Variants in ROCK1 observed in about 807,000 individuals in gnomAD.
ROCK1 encodes Rho associated coiled-coil containing protein kinase 1, also known as rho-associated protein kinase 1.
A neutral mutation model predicts 196.8 loss-of-function variants in ROCK1; 36 were observed. The observed-to-expected ratio is 0.18, with a 90% confidence interval of 0.14 to 0.24. The LOEUF (loss-of-function observed/expected upper bound fraction) is 0.24. ROCK1 is among the 10% of genes least tolerant of loss of function. The pLI is 1.00. For synonymous variants in ROCK1, 443 were observed against 515.9 expected (o/e 0.86, Z 1.91); for missense variants, 920 against 1,562.0 (o/e 0.59, Z 6.93).
intron 22 of ROCK1, among the ~76,000 whole-genome samples, chr18:20,975,378 T>C (rs1216825815): frequency 6.6e-6 from 1 of 152,182 alleles, no homozygotes; most frequent in African/African-American, 2.4e-5. Flanking sequence ...GGAGAGTGAC[T>C]AATTGGTTTG....
intron 16 of ROCK1, among the ~76,000 whole-genome samples, chr18:21,002,373 A>G (rs2035732276): frequency 6.6e-6 from 1 of 152,220 alleles, no homozygotes; most frequent in Non-Finnish European, 1.5e-5. Context: ...GAGCATCATT[A>G]AGAATAATGC....
intron 1 of ROCK1, among the ~76,000 whole-genome samples, chr18:21,100,244 A>G (rs1337187444): frequency 6.6e-6 from 1 of 152,086 alleles, no homozygotes; most frequent in Non-Finnish European, 1.5e-5. Flanking sequence ...ATAAAATATC[A>G]TAGCTCTATT....
chr18:21,061,533 T>C (rs1484019509), intron 2 of ROCK1, among the ~76,000 whole-genome samples: 1 of 152,184 alleles, frequency 6.6e-6, no homozygotes, highest in African/African-American at 2.4e-5. Context: ...CTGTTCCGAA[T>C]GGTATTGGGG....
At position 21,111,148 on chromosome 18, in the gene ROCK1, G is replaced by A. The variant is rs1598567386; in HGVS notation, c.-238C>T. On this transcript the variant is annotated 5_prime_UTR_variant, in exon 1 of 33. Transcript: ENST00000399799. This position sits in a 1 kb window ranked among gnomAD's most constrained non-coding sequence, Gnocchi z 4.2. ...GACGCCCAAAGTCGCATCCCACCCG[G>A]CAGCCCCTCACGACAGCCGACAGCG... 1 of 568,446 alleles carries A rather than the reference G, an allele frequency of 1.8e-6. No homozygotes were observed. The highest frequency in any genetic ancestry group is 1.9e-5 in the African/African-American group (1 of 52,578). 35.2% of individuals were successfully genotyped at this position (568,446 alleles called of 1,614,324 possible).
At chr18:21,029,020 T>C in intron 9 of ROCK1, 85 bp from the exon 10 acceptor site, 2 of 1,328,706 alleles carry the variant, frequency 1.5e-6, no homozygotes, top group Non-Finnish European at 2.1e-6. Flanking sequence ...TACTGATGGT[T>C]TCTCTCTTAT....
At chr18:21,053,436 T>C (rs1302012487) in intron 2 of ROCK1, among the ~76,000 whole-genome samples, 1 of 152,216 alleles carries the variant, frequency 6.6e-6, no homozygotes, top group African/African-American at 2.4e-5. Flanking sequence ...ATGTCCAAAG[T>C]ACACTGTATT....
chr18:20,962,819 C>G (rs746813426), intron 27 of ROCK1, among the ~76,000 whole-genome samples: 2 of 152,090 alleles, frequency 1.3e-5, no homozygotes, highest in Non-Finnish European at 2.9e-5. Context: ...GTTTTTCCAT[C>G]TGGTGAATTC....
At chr18:21,026,854 G>C (rs996476110) in intron 10 of ROCK1, among the ~76,000 whole-genome samples, 1 of 151,902 alleles carries the variant, frequency 6.6e-6, no homozygotes, top group Admixed American at 6.6e-5. Context: ...GTAATTAAAA[G>C]TAGATTTAAC....
At chr18:21,049,922 A>G in intron 2 of ROCK1, 42 bp from the exon 3 acceptor site, 2 of 1,064,376 alleles carry the variant, frequency 1.9e-6, no homozygotes, top group East Asian at 2.6e-5. Context: ...TCACTAAAGC[A>G]TTACAACTAG....
At position 21,103,958 on chromosome 18, in the gene ROCK1, C is replaced by T. The variant is rs1381836001; in HGVS notation, c.93+6860G>A. ...TAAGAATACTTTCCATTGTGAATTG[C>T]AGTACTACCTGTTCATCTTCTTGAA... On this transcript the variant is annotated intron_variant, in intron 1 of 32. Coordinates refer to ENST00000399799, the MANE Select transcript of ROCK1 (RefSeq NM_005406.3). Among the ~76,000 whole-genome samples, 3 of 152,186 alleles carry T rather than the reference C, an allele frequency of 2.0e-5. No homozygotes were observed. The East Asian group carries it at 5.8e-4, about 29-fold the overall frequency.
At position 20,993,022 on chromosome 18, in the gene ROCK1, G is replaced by A. The variant is rs2035639845; in HGVS notation, c.1886-85C>T. Reference sequence around the variant, plus strand: ...ATTGACAATTTAGTTTTTAAAAAATGTTTTTTTAATGTATTAAGTTTCCTG... The same window carrying A: ...ATTGACAATTTAGTTTTTAAAAAATATTTTTTTAATGTATTAAGTTTCCTG... On this transcript the variant is annotated intron_variant, in intron 16 of 32. Coordinates refer to ENST00000399799, the MANE Select transcript of ROCK1 (RefSeq NM_005406.3). The A allele has an allele frequency of 7.8e-6, 6 of 769,764 alleles. No homozygotes were observed. In the Admixed American group the frequency reaches 1.4e-4, roughly 18 times the overall value. The allele number at this position is 769,764 out of a possible 1,614,324, so 47.7% of individuals were successfully genotyped here.
chr18:21,006,778 T>C lies in ROCK1; in HGVS notation c.1559A>G (p.Lys520Arg). 1 of 1,583,348 alleles carries C rather than the reference T, an allele frequency of 6.3e-7. No homozygotes were observed. Among genetic ancestry groups the C allele is most frequent in the Non-Finnish European group, 8.6e-7 (1 of 1,164,846 alleles). The change falls in exon 15 of 33, where the codon AAG (lysine) becomes AGG (arginine). Residue 520 changes from lysine (K) to arginine (R), a missense_variant. Transcript: ENST00000399799. ...RNVENEVSTL[K>R]DQLEDLKKVS... ...TTTCTTTAAGTCTTCCAACTGATCC[T>C]TTAATGTAGAAACTAGAAAATGAAA...
chr18:21,028,675 G>C, intron 10 of ROCK1, 101 bp downstream of exon 10: 2 of 999,144 alleles, frequency 2.0e-6, no homozygotes. Flanking sequence ...ATAATAAGGT[G>C]TATCTTTATA....
chr18:20,992,650 A>G (rs1173665984), intron 17 of ROCK1, among the ~76,000 whole-genome samples, 181 bp downstream of exon 17: 1 of 152,232 alleles, frequency 6.6e-6, no homozygotes, highest in Non-Finnish European at 1.5e-5. Context: ...AAAATAACAA[A>G]TAACAAAACC....
rs112959432 is a variant in ROCK1 at position 21,054,700 on chromosome 18, T to C, written c.176-4820A>G. Reference sequence around the variant, plus strand: ...GAACTTCTCTCCAATATTCTCCTGTTTTAATTCTTAATAACTTTAATATAC... The same window carrying C: ...GAACTTCTCTCCAATATTCTCCTGTCTTAATTCTTAATAACTTTAATATAC... On this transcript the variant is annotated intron_variant, in intron 2 of 32. Transcript: ENST00000399799. Among the ~76,000 whole-genome samples the C allele has an allele frequency of 1.5e-3, 233 of 152,312 alleles. 3 individuals are homozygous for C. Among genetic ancestry groups the C allele is most frequent in the African/African-American group, 5.4e-3 (226 of 41,566 alleles).
chr18:21,053,845 GACA>G (rs1428431107), intron 2 of ROCK1, among the ~76,000 whole-genome samples: 1 of 151,952 alleles, frequency 6.6e-6, no homozygotes, highest in African/African-American at 2.4e-5. Flanking sequence ...GAAAAAAAAA[GACA>G]ACATTTCAAG....
At chr18:20,989,055 T>C (rs2035600866) in intron 18 of ROCK1, among the ~76,000 whole-genome samples, 1 of 152,102 alleles carries the variant, frequency 6.6e-6, no homozygotes, top group Non-Finnish European at 1.5e-5. Flanking sequence ...TACAAGGAGT[T>C]TGAAAGGTAC....
At chr18:20,958,290 A>G (rs1251656661) in intron 29 of ROCK1, among the ~76,000 whole-genome samples, 1 of 152,138 alleles carries the variant, frequency 6.6e-6, no homozygotes, top group Non-Finnish European at 1.5e-5. Context: ...AACTATAACC[A>G]GCTCCACAAA....
In ROCK1 at chr18:21,064,579, G is replaced by A. The variant is rs552261569; in HGVS notation, c.175+5953C>T. 3.9e-5 allele frequency among the ~76,000 whole-genome samples: 6 copies of A among 152,248 alleles called. No individual in the cohort carries two copies. The East Asian group carries it at 5.8e-4, about 15-fold the overall frequency. The stretch of plus-strand genomic sequence containing the variant: ...AAATTATCCTTTTCTCACACATCTT[G>A]AATCCTAATTCTAACCAGGAAGGAT... On this transcript the variant is annotated intron_variant, in intron 2 of 32. Coordinates refer to ENST00000399799, the MANE Select transcript of ROCK1 (RefSeq NM_005406.3).
Sources: allele counts gnomAD v4.1 joint callset (sites outside exome capture counted in the v4.1 genomes callset), GRCh38; gene constraint gnomAD v4.1.1; non-coding constraint Gnocchi (gnomAD v3.1); transcripts MANE v1.5; gene names NCBI Gene and HGNC (gene_info 2026-07-23, HGNC 2026-07-21).